Variants in TTC34 observed in about 807,000 individuals in gnomAD.
TTC34 encodes tetratricopeptide repeat protein 34.
TTC34 carries 44 observed loss-of-function variants against 40.7 expected under a neutral mutation model. The ratio of observed to expected loss-of-function variants is 1.08; its 90% CI spans 0.85 to 1.39. The LOEUF is 1.39. Ranked by LOEUF, TTC34 falls within the 40% of genes most tolerant of loss-of-function variation. The probability of loss-of-function intolerance (pLI) is 0.00; values close to 1 mark genes in which losing one functional copy is unlikely to be tolerated. For missense variants in TTC34, 884 were observed against 838.0 expected (o/e 1.05, Z -0.68); for synonymous variants, 422 against 398.6 (o/e 1.06, Z -0.70).
chr1:2,755,665 A>C (rs1383632501), intron 6 of TTC34, among the ~76,000 whole-genome samples: 48 of 80,418 alleles, frequency 6.0e-4, no homozygotes, highest in Admixed American at 8.2e-4. Context: ...ACCCACAACC[A>C]CAGGTGAGCA....
rs1643649602 is a variant in TTC34, at chr1:2,790,347, C to T, written c.785-1G>A. On this transcript the variant is annotated splice_acceptor_variant, in intron 2 of 8. Coordinates refer to ENST00000401095, the Ensembl canonical transcript of TTC34. LOFTEE classifies it high-confidence loss of function. The stretch of plus-strand genomic sequence containing the variant: ...ACCAGCAGGGCGGCTCGGCGCTCAC[C>T]TGCGGAGAGAAACAGAGGCGTGGGT... 1 of 398,428 alleles carries T rather than the reference C, an allele frequency of 2.5e-6. No homozygotes were observed. The highest frequency in any genetic ancestry group is 1.3e-4 in the South Asian group (1 of 7,860). The allele number at this position is 398,428 out of a possible 1,614,324, so 24.7% of individuals were successfully genotyped here. A position where few individuals can be genotyped will look rare whatever the true frequency, so the allele number is the denominator to read the frequency against.
intron 6 of TTC34, among the ~76,000 whole-genome samples, chr1:2,648,007 T>G (rs1284114509): frequency 1.1e-5 from 1 of 93,134 alleles, no homozygotes; most frequent in Non-Finnish European, 2.5e-5. Flanking sequence ...TTATTACTGT[T>G]TTTTTTTTTT....
intron 6 of TTC34, among the ~76,000 whole-genome samples, chr1:2,683,472 C>G (rs535755905): frequency 2.0e-5 from 3 of 150,250 alleles, no homozygotes; most frequent in African/African-American, 2.4e-5. Flanking sequence ...AGCACCCACA[C>G]CACCAGGCGA....
At chr1:2,750,117 C>T (rs1641266681) in intron 6 of TTC34, among the ~76,000 whole-genome samples, 39 of 134,896 alleles carry the variant, frequency 2.9e-4, no homozygotes, top group East Asian at 7.0e-4. Flanking sequence ...TGGAACAGCA[C>T]CCACACACCC....
intron 6 of TTC34, among the ~76,000 whole-genome samples, chr1:2,651,905 A>G (rs1639145975): frequency 6.6e-6 from 1 of 151,750 alleles, no homozygotes; most frequent in Non-Finnish European, 1.5e-5. Context: ...CAGCTGAGAA[A>G]CTAAGTTGGC....
chr1:2,691,978 C>G (rs1422440546), intron 6 of TTC34, among the ~76,000 whole-genome samples: 1 of 82,380 alleles, frequency 1.2e-5, no homozygotes, highest in African/African-American at 4.1e-5. Context: ...TGGAACAGCT[C>G]CCACACCCCC....
At chr1:2,773,321 C>A (rs867286895) in intron 6 of TTC34, among the ~76,000 whole-genome samples, 6 of 20,712 alleles carry the variant, frequency 2.9e-4, no homozygotes, top group South Asian at 2.3e-3. Flanking sequence ...TCTGACAGCC[C>A]GGAGCAGCGT....
At chr1:2,752,493 G>A (rs1477867297) in intron 6 of TTC34, among the ~76,000 whole-genome samples, 2 of 64,338 alleles carry the variant, frequency 3.1e-5, no homozygotes, top group African/African-American at 7.7e-5. Context: ...CACCCACACA[G>A]CCAGGTGAGC....
chr1:2,652,359 C>CCCT (rs1639170187), intron 6 of TTC34, among the ~76,000 whole-genome samples: 1 of 9,324 alleles, frequency 1.1e-4, no homozygotes, highest in Non-Finnish European at 3.1e-4. Flanking sequence ...TGGAACAGCA[C>CCCT]GCACACCCCC....
At chr1:2,789,554 G>A (rs952971754) in exon 3 of TTC34, 31 of 1,492,066 alleles carry the variant, frequency 2.1e-5, no homozygotes, top group Admixed American at 4.3e-5. Context: ...CCGGCCCTGC[G>A]CTCTGGACGG....
At position 2,645,270 on chromosome 1, in the gene TTC34, C is replaced by T; in HGVS notation, c.2497+23G>A. 1.2e-5 allele frequency: 17 copies of T among 1,442,548 alleles called. No individual in the cohort carries two copies. The highest frequency in any genetic ancestry group is 1.5e-5 in the Non-Finnish European group (16 of 1,099,806). 89.4% of individuals were successfully genotyped at this position (1,442,548 alleles called of 1,614,324 possible). A position where few individuals can be genotyped will look rare whatever the true frequency, so the allele number is the denominator to read the frequency against. On this transcript the variant is annotated intron_variant, in intron 7 of 8. Coordinates refer to ENST00000401095, the Ensembl canonical transcript of TTC34. The surrounding 1 kb of genome is among the most constrained non-coding windows in gnomAD (Gnocchi z 4.7). ...GGACAGAAGCCCAGACCCCGTGTTT[C>T]CCACCTTGGGGCCGCCGCATACCCT... is the stretch of plus-strand genomic sequence containing the variant.
intron 4 of TTC34, among the ~76,000 whole-genome samples, chr1:2,786,991 C>A (rs1379925496): frequency 2.6e-5 from 4 of 152,156 alleles, no homozygotes; most frequent in Non-Finnish European, 4.4e-5. Context: ...ACCTTTAGAC[C>A]CCAGTTCAAA....
At chr1:2,699,012 AC>A (rs1641001918) in intron 6 of TTC34, among the ~76,000 whole-genome samples, 10 of 17,210 alleles carry the variant, frequency 5.8e-4, no homozygotes, top group Non-Finnish European at 1.2e-3. Flanking sequence ...CACCCACACC[AC>A]CAGGTGAGCA....
At chr1:2,674,779 T>A (rs1232652263) in intron 6 of TTC34, among the ~76,000 whole-genome samples, 2 of 22,500 alleles carry the variant, frequency 8.9e-5, no homozygotes, top group African/African-American at 1.2e-4. Flanking sequence ...GAGCATCCGA[T>A]GACCTGGAGC....
chr1:2,683,676 C>G (rs1382643208), intron 6 of TTC34, among the ~76,000 whole-genome samples: 1 of 150,190 alleles, frequency 6.7e-6, no homozygotes, highest in Admixed American at 6.6e-5. Flanking sequence ...CGCTGCACCC[C>G]CAGGTGACGA....
intron 2 of TTC34, among the ~76,000 whole-genome samples, chr1:2,792,033 T>TTTTTTTTTTTTTTTTTTTA (rs1553171534): frequency 1.0e-4 from 11 of 107,162 alleles, no homozygotes; most frequent in East Asian, 5.8e-4. Flanking sequence ...TTTTTTTTTT[T>TTTTTTTTTTTTTTTTTTTA]AAAGACAGGG....
chr1:2,748,551 G>C (rs1455034423), intron 6 of TTC34, among the ~76,000 whole-genome samples: 4,267 of 44,490 alleles, frequency 0.096, 2 homozygotes, highest in East Asian at 0.19. Flanking sequence ...GCCTGGAACA[G>C]CAACCACACC....
intron 6 of TTC34, among the ~76,000 whole-genome samples, chr1:2,780,046 G>A (rs776565177): frequency 6.6e-6 from 1 of 152,282 alleles, no homozygotes; most frequent in East Asian, 1.9e-4. Flanking sequence ...CCCCGGAAGC[G>A]GAAGTTGCAG....
chr1:2,688,610 C>T (rs1237244546), intron 6 of TTC34, among the ~76,000 whole-genome samples: 16 of 136,206 alleles, frequency 1.2e-4, no homozygotes, highest in Admixed American at 7.9e-4. Flanking sequence ...AGCACCCACA[C>T]CCCCAGGTGC....
Sources: allele counts gnomAD v4.1 joint callset (sites outside exome capture counted in the v4.1 genomes callset), GRCh38; gene constraint gnomAD v4.1.1; non-coding constraint Gnocchi (gnomAD v3.1); transcripts MANE v1.5; gene names NCBI Gene and HGNC (gene_info 2026-07-23, HGNC 2026-07-21).